CNBD1: variants seen among roughly 807,000 people sequenced by gnomAD.
The protein encoded by CNBD1 is cyclic nucleotide binding domain containing 1, also known as cyclic nucleotide-binding domain-containing protein 1.
A neutral mutation model predicts 54.4 loss-of-function variants in CNBD1; 71 were observed. The observed-to-expected ratio is 1.30, with a 90% confidence interval of 1.08 to 1.59. The LOEUF is 1.59. Ranked by LOEUF, CNBD1 falls within the 40% of genes most tolerant of loss-of-function variation. The pLI, the probability that CNBD1 is intolerant of heterozygous loss-of-function variation, is 0.00. For missense variants in CNBD1, 659 were observed against 518.0 expected, an observed-to-expected ratio of 1.27 and a Z score of -2.64; for synonymous variants, 182 against 170.7, an observed-to-expected ratio of 1.07 and a Z score of -0.51.
At chr8:87,139,889 A>G (rs1812337385) in intron 4 of CNBD1, among the ~76,000 whole-genome samples, 1 of 152,154 alleles carries the variant, frequency 6.6e-6, no homozygotes, top group Non-Finnish European at 1.5e-5. Context: ...TATGATGAAC[A>G]TATTGACTTG....
chr8:87,239,569 G>T (rs1257182806), intron 6 of CNBD1, among the ~76,000 whole-genome samples: 2 of 152,028 alleles, frequency 1.3e-5, no homozygotes, highest in Non-Finnish European at 2.9e-5. Flanking sequence ...CTAAGAAGAA[G>T]AAAAAAGTTA....
intron 2 of CNBD1, among the ~76,000 whole-genome samples, chr8:87,422,280 T>G (rs918261131): frequency 1.2e-4 from 18 of 145,912 alleles, no homozygotes; most frequent in South Asian, 2.1e-4. Flanking sequence ...TTAGTTTAAT[T>G]AGATCCCATT....
chr8:87,053,543 C>T (rs993272398), intron 4 of CNBD1, among the ~76,000 whole-genome samples: 14 of 152,306 alleles, frequency 9.2e-5, no homozygotes, highest in African/African-American at 1.7e-4. Flanking sequence ...GGTGTCCCCC[C>T]TCTCCCCTTC....
chr8:86,903,492 T>C (rs1207371726), intron 2 of CNBD1, among the ~76,000 whole-genome samples: 2 of 152,080 alleles, frequency 1.3e-5, no homozygotes, highest in Admixed American at 6.6e-5. Flanking sequence ...AATACAGTTA[T>C]GTAAGATGCA....
intron 8 of CNBD1, among the ~76,000 whole-genome samples, chr8:87,290,581 T>C (rs1808766925): frequency 6.6e-6 from 1 of 152,178 alleles, no homozygotes; most frequent in African/African-American, 2.4e-5. Context: ...TTCATGTGGA[T>C]TCAAATTACT....
intron 4 of CNBD1, among the ~76,000 whole-genome samples, chr8:87,030,146 CT>C (rs1047010661): frequency 7.9e-5 from 12 of 151,954 alleles, no homozygotes; most frequent in Admixed American, 7.9e-4. Flanking sequence ...ATGGCACTAA[CT>C]TTTTTTTAAA....
intron 4 of CNBD1, among the ~76,000 whole-genome samples, chr8:87,188,991 T>C (rs1313453793): frequency 1.3e-5 from 2 of 152,084 alleles, no homozygotes; most frequent in Non-Finnish European, 2.9e-5. Flanking sequence ...GTGTTCGTTT[T>C]TTTTTCACAG....
chr8:86,950,826 T>C (rs1807600217), intron 4 of CNBD1, among the ~76,000 whole-genome samples: 2 of 152,210 alleles, frequency 1.3e-5, no homozygotes, highest in Non-Finnish European at 2.9e-5. Flanking sequence ...TACTTATTAT[T>C]GATCTGTTCA....
chr8:87,241,488 C>A (rs763599440), intron 6 of CNBD1, among the ~76,000 whole-genome samples: 8 of 151,678 alleles, frequency 5.3e-5, no homozygotes, highest in Non-Finnish European at 1.0e-4. Flanking sequence ...TAGCCAGGAT[C>A]GTCTTGATCT....
At chr8:87,304,927 G>GAA (rs1809109867) in intron 8 of CNBD1, among the ~76,000 whole-genome samples, 1 of 152,050 alleles carries the variant, frequency 6.6e-6, no homozygotes, top group South Asian at 2.1e-4. Context: ...TCAAGAGAAA[G>GAA]AAATAAAGGG....
At chr8:87,218,362 C>T (rs1342307701) in intron 5 of CNBD1, among the ~76,000 whole-genome samples, 2 of 152,002 alleles carry the variant, frequency 1.3e-5, no homozygotes, top group Admixed American at 6.6e-5. Context: ...AGATGATAAT[C>T]TGAAATAGAT....
chr8:87,235,522 G>T (rs1286110865), intron 5 of CNBD1, among the ~76,000 whole-genome samples: 1 of 152,072 alleles, frequency 6.6e-6, no homozygotes, highest in African/African-American at 2.4e-5. Flanking sequence ...GACAGGGAGA[G>T]AGATGGGGAA....
chr8:87,321,360 T>C (rs1469972889), intron 8 of CNBD1, among the ~76,000 whole-genome samples: 1 of 152,180 alleles, frequency 6.6e-6, no homozygotes, highest in Admixed American at 6.5e-5. Context: ...TTTGTGTTTG[T>C]TTGCTTGTTT....
At chr8:87,250,257 A>G (rs996563111) in intron 6 of CNBD1, among the ~76,000 whole-genome samples, 1 of 152,212 alleles carries the variant, frequency 6.6e-6, no homozygotes, top group Non-Finnish European at 1.5e-5. Flanking sequence ...AGAAATGCAA[A>G]TCAAAACTCC....
At chr8:87,261,529 C>CAAAAAAA (rs34576530) in intron 6 of CNBD1, among the ~76,000 whole-genome samples, 2 of 120,206 alleles carry the variant, frequency 1.7e-5, no homozygotes, top group Non-Finnish European at 1.7e-5. Context: ...TATTTATAGA[C>CAAAAAAA]AAAAAAAAAA....
At chr8:87,173,338 ATAT>A (rs1813128126) in intron 4 of CNBD1, among the ~76,000 whole-genome samples, 2 of 152,116 alleles carry the variant, frequency 1.3e-5, no homozygotes, top group Admixed American at 6.5e-5. Context: ...CGGTGTTATA[ATAT>A]TCTGTGTTTT....
chr8:86,968,305 G>A (rs1428177035), intron 4 of CNBD1, among the ~76,000 whole-genome samples: 2 of 152,128 alleles, frequency 1.3e-5, no homozygotes, highest in East Asian at 1.9e-4. Flanking sequence ...CATCATGAGG[G>A]CCTGATAAGG....
intron 4 of CNBD1, among the ~76,000 whole-genome samples, chr8:86,954,289 G>A (rs1586159198): frequency 6.6e-6 from 1 of 152,136 alleles, no homozygotes; most frequent in South Asian, 2.1e-4. Context: ...ATCTTAATCA[G>A]TTTGACCATG....
chr8:87,240,723 G>A (rs950292663), intron 6 of CNBD1, among the ~76,000 whole-genome samples: 9 of 152,128 alleles, frequency 5.9e-5, no homozygotes, highest in African/African-American at 1.9e-4. Flanking sequence ...GGGAATTAAA[G>A]GCAAAATGGT....
Sources: gnomAD v4.1 joint callset for allele counts (sites outside exome capture counted in the v4.1 genomes callset) on GRCh38, gnomAD v4.1.1 for gene constraint, MANE v1.5 for transcripts, NCBI Gene and HGNC (gene_info 2026-07-23, HGNC 2026-07-21) for gene names.